CWH43: variants seen among roughly 807,000 people sequenced by gnomAD.
CWH43 encodes the protein PGAP2-interacting protein.
A neutral mutation model predicts 85.7 loss-of-function variants in CWH43; 91 were observed. That is an observed-to-expected ratio of 1.06 (90% CI 0.90 to 1.26). The LOEUF (loss-of-function observed/expected upper bound fraction) is 1.26. Among genes scored for constraint, CWH43 ranks in the 50% most tolerant of loss-of-function variants. The pLI is 0.00. For missense variants in CWH43, 869 were observed against 839.2 expected, an observed-to-expected ratio of 1.04 and a Z score of -0.44; for synonymous variants, 323 against 293.6, an observed-to-expected ratio of 1.10 and a Z score of -1.02.
intron 14 of CWH43, among the ~76,000 whole-genome samples, chr4:49,050,161 C>T (rs569303472): frequency 2.6e-5 from 4 of 152,298 alleles, no homozygotes; most frequent in Non-Finnish European, 5.9e-5. Context: ...GTGTTTTCCA[C>T]GAGCTTCTCA....
chr4:49,041,386 T>A (rs1784457536), intron 13 of CWH43, among the ~76,000 whole-genome samples: 1 of 152,228 alleles, frequency 6.6e-6, no homozygotes, highest in Non-Finnish European at 1.5e-5. Flanking sequence ...GCATGGAATG[T>A]TCTTCCATTT....
At chr4:49,056,682 A>T (rs2768959) in intron 15 of CWH43, among the ~76,000 whole-genome samples, 1 of 150,602 alleles carries the variant, frequency 6.6e-6, no homozygotes, top group Non-Finnish European at 1.5e-5. Flanking sequence ...AATATTTATT[A>T]TTTACTTCCT....
intron 8 of CWH43, among the ~76,000 whole-genome samples, chr4:49,014,964 A>C (rs1783493686): frequency 6.6e-6 from 1 of 152,192 alleles, no homozygotes; most frequent in African/African-American, 2.4e-5. Flanking sequence ...GTATAATTAC[A>C]TAGATCCCTC....
intron 7 of CWH43, 48 bp from the exon 8 acceptor site, chr4:49,007,153 G>T: frequency 6.4e-7 from 1 of 1,551,644 alleles, no homozygotes; most frequent in South Asian, 1.3e-5. Context: ...AACATTGGAA[G>T]GATTTTTGGA....
intron 15 of CWH43, among the ~76,000 whole-genome samples, chr4:49,059,954 G>A (rs1785094831): frequency 6.6e-6 from 1 of 152,180 alleles, no homozygotes; most frequent in African/African-American, 2.4e-5. Context: ...GGCCCATGGA[G>A]CCTAGGCCTC....
rs1783590340 is a variant in CWH43, at chr4:49,017,473, A to G, written c.1266+145A>G. 7 of 542,102 alleles carry G rather than the reference A, an allele frequency of 1.3e-5. No homozygotes were observed. The South Asian group carries it at 2.1e-4, about 17-fold the overall frequency. 33.6% of individuals were successfully genotyped at this position (542,102 alleles called of 1,614,324 possible). On this transcript the variant is annotated intron_variant, in intron 9 of 15. Transcript: ENST00000226432. The stretch of plus-strand genomic sequence containing the variant: ...TCCTTAACCCTTATGTGCCAGACTG[A>G]TAAGATAGTGGGATTATTTTATGAA...
intron 1 of CWH43, chr4:48,986,924 C>T (rs1369358371): frequency 3.6e-6 from 2 of 560,440 alleles, no homozygotes; most frequent in Non-Finnish European, 4.5e-6. Context: ...CAGCTGCTGC[C>T]GTGGGCTGGG....
intron 7 of CWH43, 39 bp downstream of exon 7, chr4:49,004,031 C>CA (rs753281567): frequency 1.3e-6 from 2 of 1,556,262 alleles, no homozygotes; most frequent in Non-Finnish European, 1.7e-6. Flanking sequence ...AATAATTGCT[C>CA]AAAAATATCC....
rs780289790 is a variant in CWH43, at chr4:48,988,684, GTTTC to G, written c.235+20_235+23del. On this transcript the variant is annotated intron_variant, in intron 2 of 15. Coordinates refer to ENST00000226432, the MANE Select transcript of CWH43 (RefSeq NM_025087.3). ...ATCACTATTGGTAAGATTTAAAAGA[GTTTC>G]TTTAAGTTGTTTTTTTTAAGTTAAA... 3.3e-6 allele frequency: 5 copies of G among 1,504,378 alleles called. No homozygotes were observed. The highest frequency in any genetic ancestry group is 4.5e-6 in the Non-Finnish European group (5 of 1,117,658). The allele number at this position is 1,504,378 out of a possible 1,614,324, so 93.2% of individuals were successfully genotyped here. A position where few individuals can be genotyped will look rare whatever the true frequency, so the allele number is the denominator to read the frequency against.
At position 49,003,971 on chromosome 4, in the gene CWH43, G is replaced by C; in HGVS notation, c.1039G>C (p.Glu347Gln). 1.2e-6 allele frequency: 2 copies of C among 1,612,056 alleles called. No homozygotes were observed. Among genetic ancestry groups the C allele is most frequent in the Non-Finnish European group, 8.5e-7 (1 of 1,179,652 alleles). The change falls in exon 7 of 16, where the codon GAA (glutamate) becomes CAA (glutamine). Residue 347 changes from glutamate to glutamine, a missense_variant. By Grantham distance (29) the Glu-to-Gln change is conservative (BLOSUM62 2). This residue lies in a region of CWH43 where 577 missense variants were observed against 513.1 expected (regional missense o/e 1.12). Coordinates refer to ENST00000226432, the MANE Select transcript of CWH43 (RefSeq NM_025087.3). ...KFVPGGVYARERSDVLLGTMM... is the reference protein window; with the variant it reads ...KFVPGGVYARQRSDVLLGTMM... ...TGTCCCAGGAGGTGTCTACGCTAGAGAAAGATCAGATGTGCTTTTGGGTGA... is the reference window on the plus strand; with the variant it reads ...TGTCCCAGGAGGTGTCTACGCTAGACAAAGATCAGATGTGCTTTTGGGTGA...
chr4:49,033,147 C>T (rs978922372), intron 12 of CWH43, among the ~76,000 whole-genome samples: 1 of 152,166 alleles, frequency 6.6e-6, no homozygotes, highest in Non-Finnish European at 1.5e-5. Flanking sequence ...TGCAACCACA[C>T]AATAAACCAG....
chr4:49,009,639 A>C (rs1402272426), intron 8 of CWH43, among the ~76,000 whole-genome samples: 1 of 152,146 alleles, frequency 6.6e-6, no homozygotes, highest in Non-Finnish European at 1.5e-5. Context: ...TATTATTTTC[A>C]GATATATTCC....
intron 13 of CWH43, among the ~76,000 whole-genome samples, chr4:49,040,687 G>A (rs1464512104): frequency 2.0e-5 from 3 of 152,174 alleles, no homozygotes; most frequent in Non-Finnish European, 4.4e-5. Flanking sequence ...CTCCCATTCT[G>A]TAGGTTGCCT....
rs140610777 is a variant in CWH43 at position 49,024,195 on chromosome 4, A to T, written c.1267-4434A>T. 8.4e-3 allele frequency among the ~76,000 whole-genome samples: 1,280 copies of T among 152,318 alleles called. 3 individuals carry two copies. The highest frequency in any genetic ancestry group is 0.015 in the African/African-American group (627 of 41,574). On this transcript the variant is annotated intron_variant, in intron 9 of 15. Transcript: ENST00000226432. Reference sequence around the variant, plus strand: ...TCACTTTTGGTGTCCATTTGCATGGAATATCTTTTCCACCCCTTTACCTTA... The same window carrying T: ...TCACTTTTGGTGTCCATTTGCATGGTATATCTTTTCCACCCCTTTACCTTA...
At chr4:48,998,297 G>A (rs1454235569) in intron 5 of CWH43, among the ~76,000 whole-genome samples, 163 bp from the exon 6 acceptor site, 1 of 152,220 alleles carries the variant, frequency 6.6e-6, no homozygotes, top group Non-Finnish European at 1.5e-5. Context: ...TGTTCTGAAT[G>A]TGTATAATAT....
chr4:49,041,317 G>A (rs184187288), intron 13 of CWH43, among the ~76,000 whole-genome samples: 1 of 152,120 alleles, frequency 6.6e-6, no homozygotes, highest in Non-Finnish European at 1.5e-5. Flanking sequence ...GACATTGAAT[G>A]TATAAATTAC....
rs188926631 is a variant in CWH43, at chr4:49,057,069, A to T, written c.2022-4743A>T. 2.3e-3 allele frequency among the ~76,000 whole-genome samples: 347 copies of T among 152,316 alleles called. 4 individuals are homozygous for T. The highest frequency in any genetic ancestry group is 0.022 in the South Asian group (105 of 4,826). Reference sequence around the variant, plus strand: ...GGCTTGTTTTGTGGCCTAACATAAGATTTGTCCTGGAGAATGTTCCATGAA... The same window carrying T: ...GGCTTGTTTTGTGGCCTAACATAAGTTTTGTCCTGGAGAATGTTCCATGAA... On this transcript the variant is annotated intron_variant, in intron 15 of 15. Transcript: ENST00000226432.
chr4:49,030,242 C>T lies in CWH43; in HGVS notation c.1373-583C>T, dbSNP rs566081050. 2.5e-4 allele frequency among the ~76,000 whole-genome samples: 38 copies of T among 152,276 alleles called. No homozygotes were observed. In the South Asian group the frequency reaches 5.2e-3, roughly 21 times the overall value. ...GTGTTTTTGGTTTGTAGACCAACTACGGGTGTATGGAGCAGGATAAGTAAA... is the reference window on the plus strand; with the variant it reads ...GTGTTTTTGGTTTGTAGACCAACTATGGGTGTATGGAGCAGGATAAGTAAA... On this transcript the variant is annotated intron_variant, in intron 10 of 15. Transcript: ENST00000226432.
intron 15 of CWH43, among the ~76,000 whole-genome samples, chr4:49,051,726 G>A (rs773277284): frequency 5.9e-5 from 9 of 152,190 alleles, no homozygotes; most frequent in South Asian, 2.1e-4. Flanking sequence ...ACAGGTGCAC[G>A]CCCTGATGCC....
Sources: allele counts gnomAD v4.1 joint callset (sites outside exome capture counted in the v4.1 genomes callset), GRCh38; gene constraint gnomAD v4.1.1; regional missense constraint gnomAD v4.1.1; transcripts MANE v1.5; gene names NCBI Gene and HGNC (gene_info 2026-07-23, HGNC 2026-07-21).